PAX5: variants seen among roughly 807,000 people sequenced by gnomAD.
PAX5 encodes the protein paired box 5, also known as paired box protein Pax-5.
PAX5 carries 9 observed loss-of-function variants against 43.7 expected under a neutral mutation model. The ratio of observed to expected loss-of-function variants is 0.21; its 90% confidence interval spans 0.12 to 0.36. The LOEUF is 0.36. Among genes scored for constraint, PAX5 ranks in the 10% least tolerant of loss-of-function variants. PAX5 has a pLI of 1.00. For synonymous variants in PAX5, 228 were observed against 214.3 expected, an observed-to-expected ratio of 1.06 and a Z score of -0.56; for missense variants, 383 against 532.7, an observed-to-expected ratio of 0.72 and a Z score of 2.77.
chr9:37,034,205 C>G lies in PAX5; in HGVS notation c.-174G>C, dbSNP rs552089001. The G allele has an allele frequency of 1.0e-5, 6 of 588,588 alleles. No individual in the cohort carries two copies. Among genetic ancestry groups the G allele is most frequent in the East Asian group, 5.7e-5 (2 of 35,064 alleles). The allele number at this position is 588,588 out of a possible 1,614,324, so 36.5% of individuals were successfully genotyped here. ...CGAGCTGGGGTAGCTGATCACTGAGCTGAAACTAAACGTTTTAGGTGGAAA... is the reference window on the plus strand; with the variant it reads ...CGAGCTGGGGTAGCTGATCACTGAGGTGAAACTAAACGTTTTAGGTGGAAA... On this transcript the variant is annotated 5_prime_UTR_variant, in exon 1 of 10. Coordinates refer to ENST00000358127, the MANE Select transcript of PAX5 (RefSeq NM_016734.3).
chr9:37,029,163 A>G (rs771045891), intron 1 of PAX5, among the ~76,000 whole-genome samples: 1 of 152,232 alleles, frequency 6.6e-6, no homozygotes, highest in Non-Finnish European at 1.5e-5. Context: ...CTGCTCCAGG[A>G]CTGGGCTTGT....
intron 7 of PAX5, among the ~76,000 whole-genome samples, chr9:36,909,814 ATTTTTTTTT>A (rs752114508): frequency 1.1e-5 from 1 of 91,872 alleles, no homozygotes; most frequent in African/African-American, 4.8e-5. Context: ...AGACATTTTA[ATTTTTTTTT>A]TTTTTTTTTT....
intron 9 of PAX5, among the ~76,000 whole-genome samples, chr9:36,844,668 T>C (rs145651376): frequency 1.3e-5 from 2 of 152,212 alleles, no homozygotes; most frequent in African/African-American, 2.4e-5. Context: ...GTGTGCATCT[T>C]TTCCACAACA....
intron 5 of PAX5, among the ~76,000 whole-genome samples, chr9:36,967,926 G>A (rs548141047): frequency 2.6e-5 from 4 of 152,270 alleles, no homozygotes; most frequent in African/African-American, 7.2e-5. Flanking sequence ...GAAATATTAC[G>A]AATTATCAAT....
intron 1 of PAX5, among the ~76,000 whole-genome samples, chr9:37,029,839 A>G (rs1371440943): frequency 5.9e-5 from 9 of 152,240 alleles, no homozygotes; most frequent in Admixed American, 5.2e-4. Flanking sequence ...TCACGGGTGC[A>G]GAACCCGAGG....
chr9:36,986,159 C>G (rs544499530), intron 5 of PAX5, among the ~76,000 whole-genome samples: 1 of 151,712 alleles, frequency 6.6e-6, no homozygotes, highest in African/African-American at 2.4e-5. Flanking sequence ...CCGCGCCCCC[C>G]GGGGCCCCGG....
In PAX5 at chr9:36,923,358, T is replaced by C. The variant is rs772637243; in HGVS notation, c.907A>G (p.Thr303Ala). The change falls in exon 7 of 10, where the codon ACA becomes GCA. Residue 303 changes from threonine to alanine, a missense_variant. Coordinates refer to ENST00000358127, the MANE Select transcript of PAX5 (RefSeq NM_016734.3). The stretch of plus-strand genomic sequence containing the variant: ...CCCATGCCCCAGGTGCCCTCACCTG[T>C]CACAATGGGGTAGGACTGCGGGCCT... The part of the protein sequence containing the change: ...VPGPQSYPIV[T>A]GRDLASTTLP... The C allele has an allele frequency of 2.5e-6, 4 of 1,610,752 alleles. No homozygotes were observed. In the African/African-American group the frequency reaches 5.3e-5, roughly 22 times the overall value.
chr9:36,858,970 A>G (rs926933067), intron 8 of PAX5, among the ~76,000 whole-genome samples: 1 of 152,122 alleles, frequency 6.6e-6, no homozygotes, highest in African/African-American at 2.4e-5. Flanking sequence ...CCTGCCATCA[A>G]ATTTTAATGC....
Position 36,888,152 on chromosome 9 carries a change from C to T in PAX5, c.911-6047G>A, listed in dbSNP as rs1226086025. On this transcript the variant is annotated intron_variant, in intron 7 of 9. Coordinates refer to ENST00000358127, the MANE Select transcript of PAX5 (RefSeq NM_016734.3). ...AATCATTGGCAAAGATGGGGAAAAT[C>T]GGAACCCTCAAACACTGCTGGTAGG... 3.9e-5 allele frequency among the ~76,000 whole-genome samples: 6 copies of T among 152,166 alleles called. No individual in the cohort carries two copies. The South Asian group carries it at 6.2e-4, about 16-fold the overall frequency.
intron 5 of PAX5, among the ~76,000 whole-genome samples, chr9:36,994,093 C>T (rs1255559561): frequency 2.0e-5 from 3 of 152,184 alleles, no homozygotes; most frequent in African/African-American, 7.2e-5. Flanking sequence ...AGCCCCCACC[C>T]GTGGGACAGG....
At chr9:36,859,426 T>C (rs1587781277) in intron 8 of PAX5, among the ~76,000 whole-genome samples, 1 of 152,266 alleles carries the variant, frequency 6.6e-6, no homozygotes, top group East Asian at 1.9e-4. Context: ...TCGGCTCTCC[T>C]GGTCACTCCT....
intron 6 of PAX5, among the ~76,000 whole-genome samples, chr9:36,961,953 T>G (rs1316915516): frequency 6.6e-6 from 1 of 152,198 alleles, no homozygotes; most frequent in East Asian, 1.9e-4. Flanking sequence ...GAAAAGGAAG[T>G]GTTTCATTGC....
intron 7 of PAX5, among the ~76,000 whole-genome samples, chr9:36,915,141 T>TCTATGTGAATATAC: frequency 6.6e-6 from 1 of 152,368 alleles, no homozygotes; most frequent in South Asian, 2.1e-4. Context: ...TCATTGTGCA[T>TCTATGTGAATATAC]CTATGTGAAT....
At chr9:36,930,841 C>T in intron 6 of PAX5, 1 of 1,306,042 alleles carries the variant, frequency 7.7e-7, no homozygotes, top group Non-Finnish European at 1.0e-6. Flanking sequence ...AGGCACGTGC[C>T]CCAGGAGAGT....
chr9:36,881,872 A>AG (rs1826448925), intron 8 of PAX5, 132 bp downstream of exon 8: 1 of 731,096 alleles, frequency 1.4e-6, no homozygotes, highest in Non-Finnish European at 2.4e-6. Flanking sequence ...CAGAGAGTGC[A>AG]GACCTCTGCC....
At chr9:36,877,613 T>C (rs1467168320) in intron 8 of PAX5, among the ~76,000 whole-genome samples, 2 of 152,150 alleles carry the variant, frequency 1.3e-5, no homozygotes, top group Non-Finnish European at 2.9e-5. Flanking sequence ...TCGGGGTCAA[T>C]GCAATGGCAT....
chr9:37,029,554 G>T (rs1360804681), intron 1 of PAX5, among the ~76,000 whole-genome samples: 2 of 152,228 alleles, frequency 1.3e-5, no homozygotes, highest in Admixed American at 6.5e-5. Context: ...CAGGAAGATC[G>T]CAACAGCAGA....
At position 36,840,289 on chromosome 9, in the gene PAX5, T is replaced by C. The variant is rs1821932660; in HGVS notation, c.*271A>G. ...CAGGCTGGGCTGGGGCTGCGGTTATTTGCAGGACAGTCTATTGGTTTGCAG... is the reference window on the plus strand; with the variant it reads ...CAGGCTGGGCTGGGGCTGCGGTTATCTGCAGGACAGTCTATTGGTTTGCAG... On this transcript the variant is annotated 3_prime_UTR_variant, in exon 10 of 10. Transcript: ENST00000358127. The C allele has an allele frequency of 1.7e-6, 1 of 571,518 alleles. No individual in the cohort carries two copies. Among genetic ancestry groups the C allele is most frequent in the Non-Finnish European group, 3.1e-6 (1 of 320,936 alleles). The allele number at this position is 571,518 out of a possible 1,614,324, so 35.4% of individuals were successfully genotyped here. A position where few individuals can be genotyped will look rare whatever the true frequency, so the allele number is the denominator to read the frequency against.
chr9:36,909,774 C>T (rs1418365829), intron 7 of PAX5, among the ~76,000 whole-genome samples: 11 of 149,162 alleles, frequency 7.4e-5, no homozygotes, highest in Non-Finnish European at 1.6e-4. Context: ...CCCAAGGTGG[C>T]CGAGTCTTAC....
Sources: gnomAD v4.1 joint callset for allele counts (sites outside exome capture counted in the v4.1 genomes callset) on GRCh38, gnomAD v4.1.1 for gene constraint, MANE v1.5 for transcripts, NCBI Gene and HGNC (gene_info 2026-07-23, HGNC 2026-07-21) for gene names.